Variants in MMP16 observed in about 807,000 individuals in gnomAD.
The protein encoded by MMP16 is matrix metalloproteinase-16.
Under a neutral mutation model 67.8 loss-of-function variants are expected in MMP16, and 12 were observed. The observed-to-expected ratio is 0.18, with a 90% CI of 0.11 to 0.29. The LOEUF is 0.29. MMP16 is among the 10% of genes least tolerant of loss of function. MMP16 has a pLI of 1.00. For synonymous variants in MMP16, 249 were observed against 255.9 expected (o/e 0.97, Z 0.26); for missense variants, 475 against 765.7 (o/e 0.62, Z 4.48).
In MMP16 at chr8:88,286,615, G is replaced by A. The variant is rs145414921; in HGVS notation, c.132+40460C>T. Among the ~76,000 whole-genome samples the A allele has an allele frequency of 6.5e-4, 99 of 151,200 alleles. 1 individual carries two copies. The East Asian group carries it at 0.018, about 28-fold the overall frequency. ...TTTTAAGATGGAGTCTGGCTCTGTC[G>A]CCCAGGCTGGAGTGCAGTGGCGCGA... On this transcript the variant is annotated intron_variant, in intron 1 of 9. Transcript: ENST00000286614.
chr8:88,047,823 G>A (rs1808218305), intron 8 of MMP16, among the ~76,000 whole-genome samples: 1 of 152,218 alleles, frequency 6.6e-6, no homozygotes, highest in South Asian at 2.1e-4. Context: ...GAATACACTG[G>A]CTGCTATGAG....
intron 3 of MMP16, among the ~76,000 whole-genome samples, chr8:88,173,679 T>C (rs1388498101): frequency 6.6e-6 from 1 of 152,230 alleles, no homozygotes; most frequent in Non-Finnish European, 1.5e-5. Flanking sequence ...TGTAATATTC[T>C]ATCCAAAGAA....
chr8:88,056,263 A>G lies in MMP16; in HGVS notation c.1238T>C (p.Val413Ala), dbSNP rs749698962. 4.5e-6 allele frequency: 7 copies of G among 1,566,328 alleles called. No homozygotes were observed. Among genetic ancestry groups the G allele is most frequent in the Admixed American group, 1.8e-5 (1 of 55,906 alleles). Reference protein sequence around the residue: ...FVFFKGNKYWVFKDTTLQPGY... With the variant: ...FVFFKGNKYWAFKDTTLQPGY... ...AGGTTGAAGAGTTGTATCCTTGAAC[A>G]CCCAATATTTGTTACCTGTATGGAA... The change falls in exon 8 of 10, where the codon GTG becomes GCG. Residue 413 changes from valine to alanine, a missense_variant. Physicochemically the swap from Val to Ala is moderately conservative, Grantham distance 64. Around this residue, in one of 5 missense-constraint regions of MMP16, gnomAD observed 195 missense variants for 300.9 expected, o/e 0.65. Transcript: ENST00000286614.
chr8:88,048,275 G>C (rs1808223962), intron 8 of MMP16, among the ~76,000 whole-genome samples: 1 of 152,222 alleles, frequency 6.6e-6, no homozygotes, highest in East Asian at 1.9e-4. Flanking sequence ...AGCTCACCAA[G>C]AGTTAGAACT....
chr8:88,060,313 T>C (rs991045661), intron 7 of MMP16, among the ~76,000 whole-genome samples: 4 of 152,142 alleles, frequency 2.6e-5, no homozygotes, highest in African/African-American at 9.6e-5. Context: ...TCCTAGCTTA[T>C]GTTATTTCAA....
At chr8:88,141,340 C>T (rs1383160239) in intron 4 of MMP16, among the ~76,000 whole-genome samples, 9 of 152,040 alleles carry the variant, frequency 5.9e-5, no homozygotes, top group Non-Finnish European at 1.0e-4. Flanking sequence ...ATGTGCCTTT[C>T]AGTATTAAGA....
At chr8:88,103,091 C>G (rs1159035545) in intron 6 of MMP16, among the ~76,000 whole-genome samples, 1 of 151,826 alleles carries the variant, frequency 6.6e-6, no homozygotes, top group African/African-American at 2.4e-5. Flanking sequence ...TTCTCAATCT[C>G]CTTGCCTTGA....
In MMP16 at chr8:88,290,565, T is replaced by C. The variant is rs192815453; in HGVS notation, c.132+36510A>G. Among the ~76,000 whole-genome samples, 510 of 151,302 alleles carry C rather than the reference T, an allele frequency of 3.4e-3. 2 individuals are homozygous for C. Among genetic ancestry groups the C allele is most frequent in the Non-Finnish European group, 5.7e-3 (389 of 67,708 alleles). ...GAGACTCCGTCTCAAAAAAAAAAAATTGACCTAATTATTTTATATTTATTT... is the reference window on the plus strand; with the variant it reads ...GAGACTCCGTCTCAAAAAAAAAAAACTGACCTAATTATTTTATATTTATTT... On this transcript the variant is annotated intron_variant, in intron 1 of 9. Coordinates refer to ENST00000286614, the MANE Select transcript of MMP16 (RefSeq NM_005941.5).
At chr8:88,042,644 T>C (rs901512172) in intron 9 of MMP16, among the ~76,000 whole-genome samples, 1 of 152,212 alleles carries the variant, frequency 6.6e-6, no homozygotes, top group Non-Finnish European at 1.5e-5. Flanking sequence ...TACTTCCTAG[T>C]ACCTTATATT....
At chr8:88,245,607 T>G (rs1197554767) in intron 1 of MMP16, among the ~76,000 whole-genome samples, 13 of 152,104 alleles carry the variant, frequency 8.5e-5, no homozygotes, top group Non-Finnish European at 8.8e-5. Flanking sequence ...GAGAAAGACC[T>G]AAAAGATTAT....
intron 1 of MMP16, 150 bp downstream of exon 1, chr8:88,326,925 C>A (rs1811548240): frequency 1.0e-6 from 1 of 984,538 alleles, no homozygotes; most frequent in East Asian, 2.6e-5. Context: ...CTAAAACACC[C>A]TTAAACTGAA....
intron 8 of MMP16, among the ~76,000 whole-genome samples, chr8:88,050,720 G>A (rs1195961757): frequency 2.0e-5 from 3 of 152,138 alleles, no homozygotes; most frequent in African/African-American, 7.2e-5. Flanking sequence ...AAATGTTACT[G>A]CTAGTATCTG....
At chr8:88,101,606 C>A (rs1809146738) in intron 6 of MMP16, among the ~76,000 whole-genome samples, 1 of 151,846 alleles carries the variant, frequency 6.6e-6, no homozygotes, top group Non-Finnish European at 1.5e-5. Context: ...CTGGTAAGCA[C>A]CGCAGCCCAA....
At chr8:88,076,193 C>T (rs1808648461) in intron 6 of MMP16, among the ~76,000 whole-genome samples, 1 of 152,014 alleles carries the variant, frequency 6.6e-6, no homozygotes, top group Non-Finnish European at 1.5e-5. Context: ...CTTGTTCTGT[C>T]GCCTAACAAC....
At chr8:88,050,516 T>C (rs569690663) in intron 8 of MMP16, among the ~76,000 whole-genome samples, 2 of 152,304 alleles carry the variant, frequency 1.3e-5, no homozygotes, top group South Asian at 4.1e-4. Context: ...TTTATATACA[T>C]ATATTGTTGT....
chr8:88,082,269 T>C (rs1808763672), intron 6 of MMP16, among the ~76,000 whole-genome samples: 1 of 152,138 alleles, frequency 6.6e-6, no homozygotes, highest in East Asian at 1.9e-4. Flanking sequence ...ATTATCAGAT[T>C]GCTTTGATCT....
At chr8:88,142,192 G>A (rs1808223372) in intron 4 of MMP16, among the ~76,000 whole-genome samples, 1 of 151,960 alleles carries the variant, frequency 6.6e-6, no homozygotes, top group African/African-American at 2.4e-5. Flanking sequence ...TTACAGGCGT[G>A]AGCCACCATG....
chr8:88,310,541 G>C (rs1811278630), intron 1 of MMP16, among the ~76,000 whole-genome samples: 1 of 152,086 alleles, frequency 6.6e-6, no homozygotes, highest in Non-Finnish European at 1.5e-5. Flanking sequence ...CATGAATAGG[G>C]ATGATGTAAT....
chr8:88,035,426 A>T lies in MMP16; in HGVS notation c.*6035T>A, dbSNP rs1162262633. On this transcript the variant is annotated 3_prime_UTR_variant, in exon 10 of 10. Transcript: ENST00000286614. This position sits in a 1 kb window ranked among gnomAD's most constrained non-coding sequence, Gnocchi z 4.7. ...TCCAATGATGCATAAAACAAATTCT[A>T]AGACACACTCATCTTTAAGTTGAAA... The T allele has an allele frequency of 6.6e-6, 1 of 152,066 alleles. No individual in the cohort carries two copies. The highest frequency in any genetic ancestry group is 1.5e-5 in the Non-Finnish European group (1 of 67,952). The allele number at this position is 152,066 out of a possible 1,614,324, so 9.4% of individuals were successfully genotyped here.
Sources: allele counts gnomAD v4.1 joint callset (sites outside exome capture counted in the v4.1 genomes callset), GRCh38; gene constraint gnomAD v4.1.1; regional missense constraint gnomAD v4.1.1; non-coding constraint Gnocchi (gnomAD v3.1); transcripts MANE v1.5; gene names NCBI Gene and HGNC (gene_info 2026-07-23, HGNC 2026-07-21).